IFT81: variants seen among roughly 807,000 people sequenced by gnomAD.
IFT81 encodes the protein intraflagellar transport protein 81 homolog.
In IFT81, 72 loss-of-function variants were observed where a neutral mutation model predicts 102.6. That is an observed-to-expected ratio of 0.70 (90% confidence interval 0.58 to 0.85). IFT81 has a LOEUF of 0.85. IFT81 is among the 40% of genes least tolerant of loss of function. The pLI, the probability that IFT81 is intolerant of heterozygous loss-of-function variation, is 0.00. For missense variants in IFT81, 723 were observed against 787.3 expected, an observed-to-expected ratio of 0.92 and a Z score of 0.98; for synonymous variants, 237 against 242.7, an observed-to-expected ratio of 0.98 and a Z score of 0.22.
intron 11 of IFT81, among the ~76,000 whole-genome samples, chr12:110,176,106 T>A (rs1231537968): frequency 1.3e-5 from 2 of 152,116 alleles, no homozygotes; most frequent in Non-Finnish European, 2.9e-5. Context: ...CCTATGTCTC[T>A]GTGTGTTTCC....
intron 18 of IFT81, among the ~76,000 whole-genome samples, chr12:110,211,137 G>A (rs1869370257): frequency 6.7e-6 from 1 of 149,684 alleles, no homozygotes; most frequent in African/African-American, 2.5e-5. Context: ...TGGGATTACA[G>A]GCACGAGCCA....
At chr12:110,153,746 G>A (rs1237262820) in intron 10 of IFT81, among the ~76,000 whole-genome samples, 1 of 150,284 alleles carries the variant, frequency 6.7e-6, no homozygotes, top group Non-Finnish European at 1.5e-5. Context: ...GAGTAGCTGG[G>A]ATTACAGGCA....
chr12:110,199,018 A>G (rs1898140370), intron 14 of IFT81, among the ~76,000 whole-genome samples: 1 of 152,142 alleles, frequency 6.6e-6, no homozygotes, highest in Non-Finnish European at 1.5e-5. Context: ...CATGTTGGCC[A>G]GGATGGTCTC....
chr12:110,191,130 C>A, intron 13 of IFT81, 82 bp downstream of exon 13: 109 of 1,081,972 alleles, frequency 1.0e-4, no homozygotes, highest in Middle Eastern at 3.1e-4. Context: ...TTCAGTGAAA[C>A]ATTCACCTGT....
intron 17 of IFT81, among the ~76,000 whole-genome samples, chr12:110,208,280 A>G (rs1376191246): frequency 6.6e-6 from 1 of 152,144 alleles, no homozygotes; most frequent in African/African-American, 2.4e-5. Flanking sequence ...AGATGAGCCA[A>G]TTGCTTGAGC....
At chr12:110,151,465 A>G (rs1214201768) in intron 10 of IFT81, among the ~76,000 whole-genome samples, 3 of 152,166 alleles carry the variant, frequency 2.0e-5, no homozygotes, top group Non-Finnish European at 4.4e-5. Flanking sequence ...CTTTTTGGCT[A>G]TTATGAGTAA....
chr12:110,202,792 C>T (rs926014180), intron 14 of IFT81, among the ~76,000 whole-genome samples: 6 of 152,116 alleles, frequency 3.9e-5, no homozygotes, highest in Admixed American at 6.6e-5. Context: ...TGGCAAGGTA[C>T]TTGTTCTCCC....
intron 8 of IFT81, among the ~76,000 whole-genome samples, chr12:110,138,285 G>C (rs1331580948): frequency 6.6e-6 from 1 of 152,142 alleles, no homozygotes; most frequent in East Asian, 1.9e-4. Flanking sequence ...CAGGTATTTA[G>C]TTTAATAAGC....
intron 18 of IFT81, among the ~76,000 whole-genome samples, chr12:110,217,089 T>TA (rs1277160901): frequency 6.6e-6 from 1 of 152,082 alleles, no homozygotes; most frequent in Non-Finnish European, 1.5e-5. Context: ...CAGTTTGACT[T>TA]AGAGTCTCAT....
chr12:110,135,271 C>G, intron 6 of IFT81, 56 bp from the exon 7 acceptor site: 1 of 1,088,810 alleles, frequency 9.2e-7, no homozygotes, highest in Admixed American at 2.1e-5. Context: ...ACATGACATG[C>G]TAATTTTTTT....
At chr12:110,206,375 A>AC (rs1349477853) in intron 17 of IFT81, among the ~76,000 whole-genome samples, 1 of 152,230 alleles carries the variant, frequency 6.6e-6, no homozygotes, top group Non-Finnish European at 1.5e-5. Context: ...CAATCATTGA[A>AC]CAACATAAGC....
chr12:110,131,215 C>A (rs537850637), intron 4 of IFT81, among the ~76,000 whole-genome samples: 1 of 151,534 alleles, frequency 6.6e-6, no homozygotes, highest in Non-Finnish European at 1.5e-5. Context: ...CCAGGGAGGT[C>A]GAGGCTGCAA....
intron 10 of IFT81, among the ~76,000 whole-genome samples, chr12:110,160,478 A>C (rs1214684365): frequency 6.6e-6 from 1 of 152,176 alleles, no homozygotes. Flanking sequence ...GAGCCAGTAG[A>C]CTCAGCGAGC....
intron 2 of IFT81, 28 bp from the exon 3 acceptor site, chr12:110,128,018 A>AAT (rs1893946429): frequency 6.9e-7 from 1 of 1,451,210 alleles, no homozygotes; most frequent in African/African-American, 1.4e-5. Flanking sequence ...ATACAACAAT[A>AAT]ACATGTTTTT....
At chr12:110,172,611 G>A (rs1485364998) in intron 11 of IFT81, among the ~76,000 whole-genome samples, 6 of 152,194 alleles carry the variant, frequency 3.9e-5, no homozygotes, top group Admixed American at 6.5e-5. Flanking sequence ...CTGGTCTCCA[G>A]CTCCTAACCG....
chr12:110,168,484 G>A (rs770194331), intron 11 of IFT81: 145 of 965,992 alleles, frequency 1.5e-4, no homozygotes, highest in Non-Finnish European at 1.8e-4. Flanking sequence ...TGTTACTAAC[G>A]CAGCTTTAAA....
intron 17 of IFT81, 66 bp downstream of exon 17, chr12:110,205,746 AG>A (rs2137589140): frequency 1.0e-6 from 1 of 1,001,842 alleles, no homozygotes; most frequent in East Asian, 2.5e-5. Flanking sequence ...TTTATAAATA[AG>A]ATAGAATTAT....
At chr12:110,167,864 T>TTC in intron 11 of IFT81, 11 of 286,680 alleles carry the variant, frequency 3.8e-5, no homozygotes, top group South Asian at 2.2e-4. Flanking sequence ...TTTTTTTTTT[T>TTC]CCCCAGAGAC....
chr12:110,210,052 T>C (rs1869207566), intron 18 of IFT81, among the ~76,000 whole-genome samples: 1 of 152,180 alleles, frequency 6.6e-6, no homozygotes. Flanking sequence ...GCCTTGACCA[T>C]CAGGACTTAA....
Sources: gnomAD v4.1 joint callset for allele counts (sites outside exome capture counted in the v4.1 genomes callset) on GRCh38, gnomAD v4.1.1 for gene constraint, MANE v1.5 for transcripts, NCBI Gene and HGNC (gene_info 2026-07-23, HGNC 2026-07-21) for gene names.